The following HECW1 variants were observed in gnomAD, a reference collection of about 807,000 sequenced individuals.
HECW1 encodes the protein HECT, C2 and WW domain containing E3 ubiquitin protein ligase 1, also known as E3 ubiquitin-protein ligase HECW1.
HECW1 carries 61 observed loss-of-function variants against 182.3 expected under a neutral mutation model. That is an observed-to-expected ratio of 0.33 (90% CI 0.27 to 0.41). HECW1 has a LOEUF of 0.41. HECW1 is among the 10% of genes least tolerant of loss of function. The probability of loss-of-function intolerance (pLI) is 1.00; values close to 1 mark genes in which losing one functional copy is unlikely to be tolerated. For missense variants in HECW1, 1,739 were observed against 2,108.9 expected (o/e 0.82, Z 3.44); for synonymous variants, 859 against 832.6 (o/e 1.03, Z -0.55).
intron 2 of HECW1, among the ~76,000 whole-genome samples, chr7:43,196,775 T>G (rs1794499450): frequency 6.6e-6 from 1 of 152,246 alleles, no homozygotes; most frequent in South Asian, 2.1e-4. Context: ...TTACATACCT[T>G]TATTTATTAA....
chr7:43,360,810 A>G (rs1159525758), intron 5 of HECW1, 76 bp from the exon 6 acceptor site: 11 of 1,042,814 alleles, frequency 1.1e-5, no homozygotes, highest in Non-Finnish European at 1.5e-5. Flanking sequence ...GTTCTTAGAG[A>G]TGTCCTCTGT....
At chr7:43,151,083 C>A (rs1046729470) in intron 2 of HECW1, 37 of 153,634 alleles carry the variant, frequency 2.4e-4, no homozygotes, top group African/African-American at 7.7e-4. Flanking sequence ...CTGACTTCTC[C>A]TGGCACCTAC....
chr7:43,328,766 G>T (rs532753849), intron 5 of HECW1, among the ~76,000 whole-genome samples: 1 of 152,294 alleles, frequency 6.6e-6, no homozygotes, highest in South Asian at 2.1e-4. Context: ...GATGGTGCCG[G>T]CTTCCAGTCA....
chr7:43,343,433 A>G (rs1210339386), intron 5 of HECW1, among the ~76,000 whole-genome samples: 3 of 151,348 alleles, frequency 2.0e-5, no homozygotes, highest in Admixed American at 1.3e-4. Context: ...CCCCAACCCT[A>G]TGACAGACGT....
chr7:43,224,627 C>T (rs1441997868), intron 2 of HECW1, among the ~76,000 whole-genome samples: 1 of 152,052 alleles, frequency 6.6e-6, no homozygotes, highest in Non-Finnish European at 1.5e-5. Flanking sequence ...CCAGACCAGC[C>T]TGGGCAACAC....
chr7:43,415,571 G>A (rs978656171), intron 8 of HECW1, among the ~76,000 whole-genome samples: 1 of 151,806 alleles, frequency 6.6e-6, no homozygotes, highest in African/African-American at 2.4e-5. Context: ...TCTGAACATT[G>A]GCCTGCCTTG....
At chr7:43,339,286 T>G (rs762083485) in intron 5 of HECW1, among the ~76,000 whole-genome samples, 1 of 152,196 alleles carries the variant, frequency 6.6e-6, no homozygotes, top group African/African-American at 2.4e-5. Context: ...TTTTTCTCTA[T>G]GTACTTTCTC....
chr7:43,485,734 T>C (rs983598001), intron 17 of HECW1, among the ~76,000 whole-genome samples: 1 of 152,156 alleles, frequency 6.6e-6, no homozygotes, highest in Non-Finnish European at 1.5e-5. Flanking sequence ...ATAGGATACT[T>C]ACAGTGAATG....
At chr7:43,488,374 GGAAGGAAGGAAGGAAGGAAGGAAGGAAAT>G (rs2078743377) in intron 17 of HECW1, among the ~76,000 whole-genome samples, 1 of 100,032 alleles carries the variant, frequency 1.0e-5, no homozygotes, top group African/African-American at 3.6e-5. Flanking sequence ...AAGGAAGGAA[GGAAGGAAGGAAGGAAGGAAGGAAGGAAAT>G]GAAAGAAAGA....
intron 2 of HECW1, among the ~76,000 whole-genome samples, chr7:43,163,470 T>A (rs1790772809): frequency 6.6e-6 from 1 of 152,196 alleles, no homozygotes; most frequent in Admixed American, 6.5e-5. Context: ...AGGCAGGCTC[T>A]GCTTCTGGCT....
At chr7:43,246,184 T>C (rs890679196) in intron 3 of HECW1, among the ~76,000 whole-genome samples, 18 of 151,734 alleles carry the variant, frequency 1.2e-4, no homozygotes, top group Non-Finnish European at 2.1e-4. Flanking sequence ...GTGCCTGTAG[T>C]CCCAGCTACT....
chr7:43,412,082 A>G (rs746454896), intron 8 of HECW1, among the ~76,000 whole-genome samples: 27 of 152,090 alleles, frequency 1.8e-4, no homozygotes, highest in African/African-American at 5.3e-4. Flanking sequence ...ATTTCAATTT[A>G]TCTACTGAAT....
intron 6 of HECW1, among the ~76,000 whole-genome samples, chr7:43,383,781 A>G (rs1277262288): frequency 6.6e-6 from 1 of 152,096 alleles, no homozygotes; most frequent in Non-Finnish European, 1.5e-5. Context: ...TGACTCCCCC[A>G]AAACTTAACC....
At chr7:43,232,632 A>C (rs1259943001) in intron 2 of HECW1, among the ~76,000 whole-genome samples, 2 of 152,154 alleles carry the variant, frequency 1.3e-5, no homozygotes, top group African/African-American at 4.8e-5. Context: ...CTTGCGGGAA[A>C]AGGGGCAGTA....
chr7:43,393,699 A>G lies in HECW1; in HGVS notation c.556-3115A>G, dbSNP rs2075126312. ...CTTCTTTTTTTTTTTTCATCTACAGACCTGTTTTTGATGCAATAAAGATGA... is the reference window on the plus strand; with the variant it reads ...CTTCTTTTTTTTTTTTCATCTACAGGCCTGTTTTTGATGCAATAAAGATGA... On this transcript the variant is annotated intron_variant, in intron 6 of 29. Coordinates refer to ENST00000395891, the MANE Select transcript of HECW1 (RefSeq NM_015052.5). 3.3e-5 allele frequency among the ~76,000 whole-genome samples: 5 copies of G among 149,922 alleles called. No individual in the cohort carries two copies. In the South Asian group the frequency reaches 8.4e-4, roughly 25 times the overall value.
At chr7:43,335,525 T>C (rs1812009056) in intron 5 of HECW1, among the ~76,000 whole-genome samples, 1 of 152,224 alleles carries the variant, frequency 6.6e-6, no homozygotes, top group African/African-American at 2.4e-5. Context: ...AGCAGAAACC[T>C]GATCCACCAG....
At chr7:43,492,332 G>T in intron 18 of HECW1, 152 bp downstream of exon 18, 1 of 580,544 alleles carries the variant, frequency 1.7e-6, no homozygotes. Flanking sequence ...TGCACACCCC[G>T]ACCCCTGCTA....
At chr7:43,149,771 CAT>C (rs1432604569) in intron 2 of HECW1, among the ~76,000 whole-genome samples, 6 of 152,006 alleles carry the variant, frequency 3.9e-5, no homozygotes, top group African/African-American at 1.4e-4. Flanking sequence ...TTTTTTCAGA[CAT>C]ATTTTATACA....
chr7:43,143,145 A>G (rs1284802847), intron 2 of HECW1, among the ~76,000 whole-genome samples: 2 of 152,128 alleles, frequency 1.3e-5, no homozygotes, highest in Admixed American at 6.5e-5. Flanking sequence ...TAATTTTTGT[A>G]GTTTTAGTAG....
Sources: gnomAD v4.1 joint callset for allele counts (sites outside exome capture counted in the v4.1 genomes callset) on GRCh38, gnomAD v4.1.1 for gene constraint, MANE v1.5 for transcripts, NCBI Gene and HGNC (gene_info 2026-07-23, HGNC 2026-07-21) for gene names.